KCNG2: variants seen among roughly 807,000 people sequenced by gnomAD.
KCNG2 encodes voltage-gated potassium channel regulatory subunit KCNG2.
KCNG2 carries 7 observed loss-of-function variants against 12.3 expected under a neutral mutation model. That is an observed-to-expected ratio of 0.57 (90% confidence interval 0.32 to 1.07). The LOEUF is 1.07. Among genes scored for constraint, KCNG2 ranks in the 50% least tolerant of loss-of-function variants. The pLI, the probability that KCNG2 is intolerant of heterozygous loss-of-function variation, is 0.04. For synonymous variants in KCNG2, 414 were observed against 351.4 expected, an observed-to-expected ratio of 1.18 and a Z score of -1.99; for missense variants, 703 against 726.0, an observed-to-expected ratio of 0.97 and a Z score of 0.36.
intron 3 of KCNG2, among the ~76,000 whole-genome samples, chr18:79,869,099 C>T (rs1453571800): frequency 6.6e-6 from 1 of 152,090 alleles, no homozygotes; most frequent in Non-Finnish European, 1.5e-5. Flanking sequence ...ACACACAGCC[C>T]TGCAGACACT....
At chr18:79,847,491 C>A (rs139738914) in intron 1 of KCNG2, among the ~76,000 whole-genome samples, 1 of 152,210 alleles carries the variant, frequency 6.6e-6, no homozygotes, top group Non-Finnish European at 1.5e-5. Flanking sequence ...CCCGGCAGTG[C>A]GGACCACGCT....
chr18:79,853,671 A>G (rs778134854), intron 1 of KCNG2, among the ~76,000 whole-genome samples: 6 of 152,228 alleles, frequency 3.9e-5, no homozygotes, highest in Non-Finnish European at 7.3e-5. Flanking sequence ...AGGAGCTTCC[A>G]GATGCCAGGC....
Position 79,864,196 on chromosome 18 carries a change from A to T in KCNG2, c.529A>T (p.Lys177Ter). The change falls in exon 3 of 4, where the codon AAG becomes TAG. Residue 177 changes from lysine to a stop codon, truncating the protein, a stop_gained. Transcript: ENST00000316249. LOFTEE classifies it high-confidence loss of function. ...VDNPHSGLAG[K>*]LFACVSVSFV... ...CAACCCGCACTCGGGGCTGGCGGGCAAGCTCTTCGCCTGCGTGTCCGTGTC... is the reference window on the plus strand; with the variant it reads ...CAACCCGCACTCGGGGCTGGCGGGCTAGCTCTTCGCCTGCGTGTCCGTGTC... 6.5e-7 allele frequency: 1 copy of T among 1,532,994 alleles called. No homozygotes were observed. The highest frequency in any genetic ancestry group is 8.7e-7 in the Non-Finnish European group (1 of 1,144,602). 95.0% of individuals were successfully genotyped at this position (1,532,994 alleles called of 1,614,324 possible).
intron 1 of KCNG2, among the ~76,000 whole-genome samples, chr18:79,806,177 A>G (rs868739862): frequency 3.3e-5 from 5 of 152,364 alleles, no homozygotes; most frequent in Middle Eastern, 3.4e-3. Context: ...CCAGGCATCC[A>G]GCCCACGAAG....
At chr18:79,867,734 G>T (rs749371216) in intron 3 of KCNG2, among the ~76,000 whole-genome samples, 1 of 152,068 alleles carries the variant, frequency 6.6e-6, no homozygotes, top group African/African-American at 2.4e-5. Flanking sequence ...TGCGTTTTCC[G>T]ATGGCCACAC....
intron 1 of KCNG2, among the ~76,000 whole-genome samples, chr18:79,805,494 G>C (rs904272378): frequency 6.6e-6 from 1 of 152,154 alleles, no homozygotes; most frequent in Non-Finnish European, 1.5e-5. Context: ...AGAAAACACT[G>C]CACTTGATGA....
At chr18:79,896,859 C>G (rs1980994149) in intron 3 of KCNG2, among the ~76,000 whole-genome samples, 1 of 152,152 alleles carries the variant, frequency 6.6e-6, no homozygotes, top group African/African-American at 2.4e-5. Flanking sequence ...ATATAGGATT[C>G]TTGATTGGCA....
Position 79,809,518 on chromosome 18 carries a change from C to T in KCNG2, c.-115+11504C>T, listed in dbSNP as rs2087476610. ...CAGAGTCCGCGCTCTGAGGAGCTGC[C>T]GGGGCCGCGCTGACCACACTCCACG... On this transcript the variant is annotated intron_variant, in intron 1 of 3. Coordinates refer to ENST00000316249, the MANE Select transcript of KCNG2 (RefSeq NM_012283.2). 4.1e-5 allele frequency among the ~76,000 whole-genome samples: 4 copies of T among 97,052 alleles called. 1 individual carries two copies. The highest frequency in any genetic ancestry group is 9.0e-5 in the Non-Finnish European group (4 of 44,546). The allele number at this position is 97,052 out of a possible 152,430, so 63.7% of individuals were successfully genotyped here.
intron 3 of KCNG2, among the ~76,000 whole-genome samples, chr18:79,883,721 G>A (rs1599428696): frequency 6.6e-6 from 1 of 152,234 alleles, no homozygotes; most frequent in East Asian, 1.9e-4. Context: ...AGGTGAGGAT[G>A]TGCTTATATG....
At chr18:79,855,090 T>A (rs1978964224) in intron 1 of KCNG2, among the ~76,000 whole-genome samples, 1 of 152,184 alleles carries the variant, frequency 6.6e-6, no homozygotes, top group African/African-American at 2.4e-5. Flanking sequence ...TGTTTTTAAT[T>A]CCTTCGTTCA....
In KCNG2 at chr18:79,850,865, C is replaced by T. The variant is rs1465157715; in HGVS notation, c.-114-5514C>T. Among the ~76,000 whole-genome samples the T allele has an allele frequency of 4.6e-5, 7 of 152,162 alleles. No homozygotes were observed. The East Asian group carries it at 9.6e-4, about 21-fold the overall frequency. ...CAAACGCACGTTGCTTTTGTACCCA[C>T]GAGGGCAGGCGCCGGACCAGGTGGT... On this transcript the variant is annotated intron_variant, in intron 1 of 3. Transcript: ENST00000316249.
Position 79,863,868 on chromosome 18 carries a change from C to T in KCNG2, c.201C>T (p.Asp67=), listed in dbSNP as rs1356988307. The T allele has an allele frequency of 6.8e-7, 1 of 1,472,572 alleles. No homozygotes were observed. The highest frequency in any genetic ancestry group is 1.3e-5 in the South Asian group (1 of 79,968). The allele number at this position is 1,472,572 out of a possible 1,614,324, so 91.2% of individuals were successfully genotyped here. The change falls in exon 3 of 4, where the codon GAC becomes GAT. Residue 67 remains aspartate, a synonymous_variant. Coordinates refer to ENST00000316249, the MANE Select transcript of KCNG2 (RefSeq NM_012283.2). Reference sequence around the variant, plus strand: ...GTGACGACTACGACGTGAGCCGCGACGAGTTCTTCTTCGACCGCAGCCCGT... The same window carrying T: ...GTGACGACTACGACGTGAGCCGCGATGAGTTCTTCTTCGACCGCAGCCCGT... ...RVCDDYDVSR[D]EFFFDRSPCA... is the part of the protein sequence containing the mutation.
At chr18:79,842,860 G>T (rs970477672) in intron 1 of KCNG2, among the ~76,000 whole-genome samples, 2 of 152,082 alleles carry the variant, frequency 1.3e-5, no homozygotes, top group African/African-American at 4.8e-5. Context: ...CTTATGGACT[G>T]CCAGCAAGCA....
chr18:79,888,567 C>T (rs1980634005), intron 3 of KCNG2, among the ~76,000 whole-genome samples: 1 of 152,134 alleles, frequency 6.6e-6, no homozygotes, highest in Non-Finnish European at 1.5e-5. Context: ...ACGGCGGCGT[C>T]CTCCTCCTGA....
chr18:79,844,149 T>A (rs1263744696), intron 1 of KCNG2, among the ~76,000 whole-genome samples: 1 of 152,160 alleles, frequency 6.6e-6, no homozygotes, highest in African/African-American at 2.4e-5. Flanking sequence ...ATAGCCAAGA[T>A]ATGAAATCCA....
At chr18:79,846,245 C>T (rs1309965542) in intron 1 of KCNG2, among the ~76,000 whole-genome samples, 3 of 151,460 alleles carry the variant, frequency 2.0e-5, no homozygotes, top group Non-Finnish European at 4.4e-5. Context: ...TGGTGGCGGG[C>T]GCCTGTAGTC....
intron 1 of KCNG2, among the ~76,000 whole-genome samples, chr18:79,820,346 G>A (rs1440501577): frequency 1.3e-5 from 2 of 152,180 alleles, no homozygotes; most frequent in Non-Finnish European, 2.9e-5. Context: ...TGAGCCAGAT[G>A]TTGATGCTGC....
At position 79,884,607 on chromosome 18, in the gene KCNG2, T is replaced by A. The variant is rs1980449753; in HGVS notation, c.625-14433T>A. On this transcript the variant is annotated intron_variant, in intron 3 of 3. Transcript: ENST00000316249. This position sits in a 1 kb window ranked among gnomAD's most constrained non-coding sequence, Gnocchi z 5.5. ...CCCACGGGGCAGGAATTCTAGATTC[T>A]GGGATTCCTTTCATCGTTGCTTTTT... 6.6e-6 allele frequency among the ~76,000 whole-genome samples: 1 copy of A among 152,212 alleles called. No individual in the cohort carries two copies. The highest frequency in any genetic ancestry group is 2.1e-4 in the South Asian group (1 of 4,832).
chr18:79,845,266 G>C (rs1030540288), intron 1 of KCNG2, among the ~76,000 whole-genome samples: 1 of 152,220 alleles, frequency 6.6e-6, no homozygotes, highest in Non-Finnish European at 1.5e-5. Context: ...GGTTCAGGAG[G>C]AGGTGGCTGG....
Sources: allele counts gnomAD v4.1 joint callset (sites outside exome capture counted in the v4.1 genomes callset), GRCh38; gene constraint gnomAD v4.1.1; non-coding constraint Gnocchi (gnomAD v3.1); transcripts MANE v1.5; gene names NCBI Gene and HGNC (gene_info 2026-07-23, HGNC 2026-07-21).